Variants in CD302 observed in about 807,000 individuals in gnomAD.
The protein encoded by CD302 is CD302 antigen.
A neutral mutation model predicts 26.5 loss-of-function variants in CD302; 23 were observed. The observed-to-expected ratio is 0.87, with a 90% CI of 0.62 to 1.23. The LOEUF is 1.23. Ranked by LOEUF, CD302 falls within the 50% of genes most tolerant of loss-of-function variation. The pLI, the probability that CD302 is intolerant of heterozygous loss-of-function variation, is 0.00. For missense variants in CD302, 290 were observed against 275.5 expected, an observed-to-expected ratio of 1.05 and a Z score of -0.37; for synonymous variants, 90 against 99.4, an observed-to-expected ratio of 0.91 and a Z score of 0.56.
In CD302 at chr2:159,771,807, G is replaced by A. The variant is rs752576820; in HGVS notation, c.*44C>T. The A allele has an allele frequency of 2.5e-6, 4 of 1,597,940 alleles. No individual in the cohort carries two copies. The highest frequency in any genetic ancestry group is 3.4e-6 in the Non-Finnish European group (4 of 1,167,384). ...TTAAAATCTTTCCCAAGTTATCTCT[G>A]CCAGGGCATTTTGTTGATGTCTTAG... On this transcript the variant is annotated 3_prime_UTR_variant, in exon 6 of 6. Coordinates refer to ENST00000259053, the MANE Select transcript of CD302 (RefSeq NM_014880.5).
intron 2 of CD302, among the ~76,000 whole-genome samples, chr2:159,781,223 A>ATACTT (rs1204209055): frequency 6.6e-6 from 1 of 152,174 alleles, no homozygotes; most frequent in African/African-American, 2.4e-5. Flanking sequence ...ATGTCTCAGT[A>ATACTT]TACTTTACAT....
At position 159,795,646 on chromosome 2, in the gene CD302, G is replaced by A. The variant is rs537826791; in HGVS notation, c.67+2486C>T. Among the ~76,000 whole-genome samples the A allele has an allele frequency of 2.6e-5, 4 of 152,334 alleles. No homozygotes were observed. In the South Asian group the frequency reaches 6.2e-4, roughly 24 times the overall value. On this transcript the variant is annotated intron_variant, in intron 1 of 5. Transcript: ENST00000259053. ...CAGAGATCTGAATGGTGGAGGTGGG[G>A]GCAGCCATGCCAAGGACTGGGGGAA...
chr2:159,793,101 C>T (rs1421118371), intron 1 of CD302, among the ~76,000 whole-genome samples: 3 of 152,138 alleles, frequency 2.0e-5, no homozygotes, highest in African/African-American at 7.2e-5. Flanking sequence ...TAATTAAAAA[C>T]CTGCCCACTA....
At chr2:159,777,991 A>G (rs571519775) in intron 4 of CD302, 27 bp from the exon 5 acceptor site, 11 of 898,592 alleles carry the variant, frequency 1.2e-5, no homozygotes, top group Middle Eastern at 5.0e-4. Context: ...AATAAAAATT[A>G]GAATTTAATT....
Position 159,771,627 on chromosome 2 carries a change from C to T in CD302, c.*224G>A, listed in dbSNP as rs1219221880. 2.9e-5 allele frequency: 13 copies of T among 448,596 alleles called. No homozygotes were observed. The highest frequency in any genetic ancestry group is 6.1e-5 in the South Asian group (2 of 32,798). The allele number at this position is 448,596 out of a possible 1,614,324, so 27.8% of individuals were successfully genotyped here. On this transcript the variant is annotated 3_prime_UTR_variant, in exon 6 of 6. Transcript: ENST00000259053. ...TTCAAGTGACAGATTCTGCCTTTGA[C>T]GGGATGCTTAAAATCACTATATTAG...
At chr2:159,777,004 C>T (rs1708354286) in intron 5 of CD302, among the ~76,000 whole-genome samples, 1 of 152,212 alleles carries the variant, frequency 6.6e-6, no homozygotes, top group South Asian at 2.1e-4. Flanking sequence ...CGCCTGTAAT[C>T]TCAGCACTTT....
chr2:159,783,389 C>G lies in CD302; in HGVS notation c.148G>C (p.Glu50Gln). 1 of 1,611,008 alleles carries G rather than the reference C, an allele frequency of 6.2e-7. No individual in the cohort carries two copies. ...TCAGTACACTGATTTCTGACATCCT[C>G]TATGCTTTCTACTTTGATGGCTTCT... ...LQEAIKVESI[E>Q]DVRNQCTDHG... is the part of the protein sequence containing the mutation. The change falls in exon 2 of 6, where the codon GAG (glutamate) becomes CAG (glutamine). Residue 50 changes from glutamate to glutamine, a missense_variant. Physicochemically the swap from Glu to Gln is conservative, Grantham distance 29. Transcript: ENST00000259053.
intron 4 of CD302, among the ~76,000 whole-genome samples, chr2:159,779,512 A>G (rs1332855994): frequency 6.6e-6 from 1 of 152,200 alleles, no homozygotes; most frequent in African/African-American, 2.4e-5. Flanking sequence ...GAATAAAAGT[A>G]TGCCTATTTC....
intron 1 of CD302, among the ~76,000 whole-genome samples, chr2:159,792,422 C>CTGTGTGTGTGTGTGTGTGTGTG (rs3138650): frequency 1.4e-5 from 2 of 145,202 alleles, no homozygotes; most frequent in South Asian, 2.3e-4. Flanking sequence ...AGAACCAACT[C>CTGTGTGTGTGTGTGTGTGTGTG]TGTGTGTGTG....
rs991970527 is a variant in CD302, at chr2:159,783,367, G to A, written c.170C>T (p.Thr57Ile). ...ESIEDVRNQC[T>I]DHGADMISIH... ...AAGAATAAGCCTTTTACCATGGTCA[G>A]TACACTGATTTCTGACATCCTCTAT... is the stretch of plus-strand genomic sequence containing the variant. The change falls in exon 2 of 6, where the codon ACT becomes ATT. Residue 57 changes from threonine to isoleucine, a missense_variant. Thr to Ile is a moderately conservative substitution (Grantham distance 89). Transcript: ENST00000259053. 1.9e-6 allele frequency: 3 copies of A among 1,602,528 alleles called. No homozygotes were observed. In the African/African-American group the frequency reaches 4.0e-5, roughly 22 times the overall value.
chr2:159,783,528 C>T, intron 1 of CD302, 59 bp from the exon 2 acceptor site: 1 of 1,361,840 alleles, frequency 7.3e-7, no homozygotes, highest in Non-Finnish European at 1.0e-6. Context: ...TACATGAATT[C>T]CCAAAGATAA....
rs148132040 is a variant in CD302 at position 159,781,757 on chromosome 2, G to A, written c.179-759C>T. On this transcript the variant is annotated intron_variant, in intron 2 of 5. Transcript: ENST00000259053. ...ACCATATTGGCATGTTGGAAATTTC[G>A]TCTTGTTTTCACAGAGCCAATGTTC... is the stretch of plus-strand genomic sequence containing the variant. 2.9e-3 allele frequency among the ~76,000 whole-genome samples: 443 copies of A among 152,108 alleles called. No individual in the cohort carries two copies. The Middle Eastern group carries it at 0.044, about 15-fold the overall frequency.
At chr2:159,781,023 AAGTC>A (rs1215412090) in intron 2 of CD302, 25 bp from the exon 3 acceptor site, 12 of 1,575,564 alleles carry the variant, frequency 7.6e-6, no homozygotes, top group South Asian at 2.3e-5. Flanking sequence ...AAGAGAAAAA[AAGTC>A]AGCATATTCC....
At chr2:159,784,648 G>T (rs916221175) in intron 1 of CD302, among the ~76,000 whole-genome samples, 1 of 152,024 alleles carries the variant, frequency 6.6e-6, no homozygotes, top group Non-Finnish European at 1.5e-5. Context: ...GAGCCACCAC[G>T]CCAGGCCTAA....
rs941722838 is a variant in CD302, at chr2:159,778,041, CATT to C, written c.470-80_470-78del. The C allele has an allele frequency of 5.3e-6, 3 of 567,852 alleles. No homozygotes were observed. In the African/African-American group the frequency reaches 6.6e-5, roughly 13 times the overall value. 35.2% of individuals were successfully genotyped at this position (567,852 alleles called of 1,614,324 possible). On this transcript the variant is annotated intron_variant, in intron 4 of 5. Coordinates refer to ENST00000259053, the MANE Select transcript of CD302 (RefSeq NM_014880.5). The stretch of plus-strand genomic sequence containing the variant: ...GATTGACTTTAAACATGTTCACAAT[CATT>C]AAAAATAAACCCTTTTATTAGTAGC...
At chr2:159,778,844 A>T (rs1708417530) in intron 4 of CD302, among the ~76,000 whole-genome samples, 1 of 142,214 alleles carries the variant, frequency 7.0e-6, no homozygotes, top group Non-Finnish European at 1.5e-5. Flanking sequence ...ATGAGAAAAC[A>T]GTTACTTTCT....
intron 1 of CD302, among the ~76,000 whole-genome samples, chr2:159,787,124 C>A (rs1249077605): frequency 1.3e-5 from 2 of 152,196 alleles, no homozygotes; most frequent in Non-Finnish European, 2.9e-5. Context: ...TTTAAACATT[C>A]TATGCATACT....
intron 1 of CD302, among the ~76,000 whole-genome samples, chr2:159,786,730 A>G (rs1441437875): frequency 6.6e-6 from 1 of 152,224 alleles, no homozygotes; most frequent in East Asian, 1.9e-4. Context: ...TTTTATTCAA[A>G]TAAAACATAC....
intron 1 of CD302, among the ~76,000 whole-genome samples, chr2:159,789,952 TTC>T: frequency 6.7e-6 from 1 of 149,928 alleles, no homozygotes; most frequent in South Asian, 2.1e-4. Context: ...GCAAATACGA[TTC>T]TTATGGAATT....
Sources: gnomAD v4.1 joint callset for allele counts (sites outside exome capture counted in the v4.1 genomes callset) on GRCh38, gnomAD v4.1.1 for gene constraint, MANE v1.5 for transcripts, NCBI Gene and HGNC (gene_info 2026-07-23, HGNC 2026-07-21) for gene names.